PRKCA: variants seen among roughly 807,000 people sequenced by gnomAD.
PRKCA encodes the protein protein kinase C alpha, also known as protein kinase C alpha type.
PRKCA carries 27 observed loss-of-function variants against 87.0 expected under a neutral mutation model. That is an observed-to-expected ratio of 0.31 (90% CI 0.23 to 0.43). PRKCA has a LOEUF of 0.43. Ranked by LOEUF, PRKCA falls within the 20% of genes least tolerant of loss-of-function variation. The pLI is 1.00. For missense variants in PRKCA, 518 were observed against 852.3 expected (o/e 0.61, Z 4.88); for synonymous variants, 329 against 311.1 (o/e 1.06, Z -0.61).
intron 5 of PRKCA, among the ~76,000 whole-genome samples, chr17:66,678,581 A>G (rs1329354819): frequency 6.6e-6 from 1 of 151,942 alleles, no homozygotes; most frequent in African/African-American, 2.4e-5. Context: ...ACAGGCATTC[A>G]TCTGGCAGGC....
chr17:66,502,524 T>G (rs1916781950), intron 3 of PRKCA, among the ~76,000 whole-genome samples: 1 of 151,156 alleles, frequency 6.6e-6, no homozygotes, highest in African/African-American at 2.4e-5. Context: ...TGTGAGCCAC[T>G]GTGTCTGGCC....
chr17:66,797,395 G>C (rs113449795), intron 16 of PRKCA, among the ~76,000 whole-genome samples: 1 of 152,220 alleles, frequency 6.6e-6, no homozygotes, highest in Non-Finnish European at 1.5e-5. Flanking sequence ...TATCAAAAAC[G>C]ACAAAGGAGT....
intron 8 of PRKCA, among the ~76,000 whole-genome samples, chr17:66,721,649 T>G (rs1973619887): frequency 6.6e-6 from 1 of 152,160 alleles, no homozygotes; most frequent in African/African-American, 2.4e-5. Context: ...TCTTTTAGCA[T>G]GCTAATGTAT....
intron 3 of PRKCA, among the ~76,000 whole-genome samples, chr17:66,633,432 C>T (rs940712530): frequency 6.6e-6 from 1 of 152,080 alleles, no homozygotes; most frequent in African/African-American, 2.4e-5. Context: ...ATGTGGGTGA[C>T]ATTTAGACCC....
intron 8 of PRKCA, among the ~76,000 whole-genome samples, chr17:66,695,295 C>T (rs1972888166): frequency 6.6e-6 from 1 of 152,206 alleles, no homozygotes; most frequent in African/African-American, 2.4e-5. Context: ...TGGTGAAGAC[C>T]ACGTCTCCCT....
At chr17:66,369,975 G>T (rs1363851663) in intron 2 of PRKCA, among the ~76,000 whole-genome samples, 1 of 152,230 alleles carries the variant, frequency 6.6e-6, no homozygotes, top group African/African-American at 2.4e-5. Context: ...TATCATTAGG[G>T]TGAACATATT....
chr17:66,593,388 G>C (rs1466016332), intron 3 of PRKCA, among the ~76,000 whole-genome samples: 1 of 152,168 alleles, frequency 6.6e-6, no homozygotes, highest in Non-Finnish European at 1.5e-5. Flanking sequence ...AGTGGAGGAA[G>C]AGGATGAGGC....
rs114195217 is a variant in PRKCA, at chr17:66,715,962, A to G, written c.919-16726A>G. Among the ~76,000 whole-genome samples the G allele has an allele frequency of 1.5e-3, 234 of 152,288 alleles. 1 individual carries two copies. Among genetic ancestry groups the G allele is most frequent in the African/African-American group, 5.3e-3 (219 of 41,558 alleles). On this transcript the variant is annotated intron_variant, in intron 8 of 16. Transcript: ENST00000413366. ...ACCTGCACACAACAAACAGCAATCA[A>G]CTGTTGCCTGGATGTCTTTACATTT...
chr17:66,465,938 G>T (rs73996222), intron 2 of PRKCA, among the ~76,000 whole-genome samples: 9,677 of 152,024 alleles, frequency 0.064, 1,023 homozygotes, highest in African/African-American at 0.22. Context: ...TCTTCACATG[G>T]ATAACTCAGT....
At chr17:66,432,422 C>G (rs115125190) in intron 2 of PRKCA, among the ~76,000 whole-genome samples, 2 of 152,134 alleles carry the variant, frequency 1.3e-5, no homozygotes, top group Non-Finnish European at 2.9e-5. Context: ...CCTCCACATA[C>G]GCTTTTTGAT....
intron 1 of PRKCA, among the ~76,000 whole-genome samples, chr17:66,303,932 G>T (rs921970404): frequency 2.0e-4 from 31 of 152,234 alleles, no homozygotes; most frequent in African/African-American, 6.5e-4. Flanking sequence ...CCCGGGAGGC[G>T]GAGGCTGCAG....
chr17:66,405,461 C>T (rs1329545927), intron 2 of PRKCA, among the ~76,000 whole-genome samples: 1 of 152,166 alleles, frequency 6.6e-6, no homozygotes, highest in African/African-American at 2.4e-5. Context: ...CCAGCCCTTG[C>T]TTTCCTTGGA....
intron 3 of PRKCA, among the ~76,000 whole-genome samples, chr17:66,584,965 A>G (rs915998104): frequency 6.6e-5 from 10 of 152,024 alleles, no homozygotes; most frequent in Admixed American, 2.0e-4. Flanking sequence ...GTTTAAGAGC[A>G]GGAGTTTAAT....
chr17:66,678,897 C>T (rs910257018), intron 5 of PRKCA, among the ~76,000 whole-genome samples: 1 of 152,182 alleles, frequency 6.6e-6, no homozygotes, highest in Non-Finnish European at 1.5e-5. Flanking sequence ...CTTCTTTTCC[C>T]TCTATGCTTT....
At chr17:66,741,551 T>C in intron 11 of PRKCA, 108 bp from the exon 12 acceptor site, 2 of 1,221,354 alleles carry the variant, frequency 1.6e-6, no homozygotes, top group Middle Eastern at 1.9e-4. Flanking sequence ...TCTGAGAGCC[T>C]CTGGGTCTGA....
chr17:66,495,525 G>GT (rs548468006), intron 2 of PRKCA, among the ~76,000 whole-genome samples: 7 of 137,262 alleles, frequency 5.1e-5, no homozygotes, highest in East Asian at 4.1e-4. Flanking sequence ...ATGGTGCAAA[G>GT]TATTTTATTT....
At chr17:66,664,216 A>G (rs80350302) in intron 5 of PRKCA, among the ~76,000 whole-genome samples, 8,079 of 152,140 alleles carry the variant, frequency 0.053, 288 homozygotes, top group Admixed American at 0.077. Context: ...GGGAGGCAGG[A>G]TGGCAGAGCC....
intron 5 of PRKCA, among the ~76,000 whole-genome samples, chr17:66,674,340 A>G (rs1192336323): frequency 6.6e-6 from 1 of 152,222 alleles, no homozygotes; most frequent in Non-Finnish European, 1.5e-5. Flanking sequence ...ACCCAGAAGC[A>G]CAGAGCAAGG....
At chr17:66,629,373 G>A (rs182188397) in intron 3 of PRKCA, among the ~76,000 whole-genome samples, 572 of 152,278 alleles carry the variant, frequency 3.8e-3, no homozygotes, top group Non-Finnish European at 6.6e-3. Flanking sequence ...CCAAAGAGTG[G>A]ACTTCAAAAT....
Sources: allele counts gnomAD v4.1 joint callset (sites outside exome capture counted in the v4.1 genomes callset), GRCh38; gene constraint gnomAD v4.1.1; transcripts MANE v1.5; gene names NCBI Gene and HGNC (gene_info 2026-07-23, HGNC 2026-07-21).